The following MDN1 variants were observed in gnomAD, a reference collection of about 807,000 sequenced individuals.
MDN1 encodes midasin AAA ATPase 1.
MDN1 carries 266 observed loss-of-function variants against 669.2 expected under a neutral mutation model. That is an observed-to-expected ratio of 0.40 (90% confidence interval 0.36 to 0.44). The LOEUF (loss-of-function observed/expected upper bound fraction) is 0.44, where lower values mean the gene tolerates loss of function less well. Among genes scored for constraint, MDN1 ranks in the 20% least tolerant of loss-of-function variants. The pLI is 1.00. For synonymous variants in MDN1, 2,385 were observed against 2,457.1 expected (o/e 0.97, Z 0.87); for missense variants, 5,940 against 6,754.0 (o/e 0.88, Z 4.22).
At chr6:89,808,559 G>A (rs192655) in intron 1 of MDN1, among the ~76,000 whole-genome samples, 118,480 of 151,972 alleles carry the variant, frequency 0.78, 47,874 homozygotes, top group Non-Finnish European at 0.91. Context: ...TCCCTAAGAA[G>A]ACACAGCTTT....
Position 89,668,237 on chromosome 6 carries a change from T to TA in MDN1, c.13957-87dup. On this transcript the variant is annotated intron_variant, in intron 83 of 101. Transcript: ENST00000369393. ...TCATTCTTGCCACAGGAAAACAATT[T>TA]AAACACATACTGAATTCTTTTTCTA... 2.0e-6 allele frequency: 3 copies of TA among 1,501,988 alleles called. No homozygotes were observed. The Admixed American group carries it at 5.6e-5, about 28-fold the overall frequency. The allele number at this position is 1,501,988 out of a possible 1,614,324, so 93.0% of individuals were successfully genotyped here.
intron 56 of MDN1, 56 bp downstream of exon 56, chr6:89,700,590 A>C: frequency 1.9e-6 from 3 of 1,555,474 alleles, no homozygotes; most frequent in Non-Finnish European, 2.7e-6. Flanking sequence ...ATTAACTACC[A>C]GCAAGAGGAT....
chr6:89,784,567 C>T (rs1242892253), intron 9 of MDN1, among the ~76,000 whole-genome samples: 1 of 152,098 alleles, frequency 6.6e-6, no homozygotes, highest in African/African-American at 2.4e-5. Context: ...AACCACAATA[C>T]TAGAAACTGA....
At chr6:89,786,620 A>G (rs1355780446) in intron 8 of MDN1, among the ~76,000 whole-genome samples, 2 of 151,894 alleles carry the variant, frequency 1.3e-5, no homozygotes, top group East Asian at 3.9e-4. Flanking sequence ...AAATAAATAA[A>G]TGTTTAAAAC....
intron 21 of MDN1, 105 bp from the exon 22 acceptor site, chr6:89,753,727 A>G (rs1349892889): frequency 1.1e-6 from 1 of 902,684 alleles, no homozygotes; most frequent in African/African-American, 1.6e-5. Context: ...CTGCTTCCCA[A>G]CTTTTAAATA....
intron 2 of MDN1, among the ~76,000 whole-genome samples, chr6:89,795,230 T>C (rs1039964913): frequency 6.6e-6 from 1 of 152,202 alleles, no homozygotes; most frequent in South Asian, 2.1e-4. Flanking sequence ...AGCCAGATAC[T>C]GTAGTTTAAT....
chr6:89,818,427 G>A (rs1169997448), intron 1 of MDN1, among the ~76,000 whole-genome samples: 6 of 151,704 alleles, frequency 4.0e-5, no homozygotes, highest in Admixed American at 3.9e-4. Context: ...TGAGCCCAGG[G>A]GTTCCAGACC....
In MDN1 at chr6:89,648,093, T is replaced by C; in HGVS notation, c.16334A>G (p.Tyr5445Cys). 1.2e-6 allele frequency: 2 copies of C among 1,614,190 alleles called. No homozygotes were observed. The highest frequency in any genetic ancestry group is 1.7e-6 in the Non-Finnish European group (2 of 1,180,036). The change falls in exon 99 of 102, where the codon TAC becomes TGC. Residue 5445 changes from tyrosine to cysteine, a missense_variant. Around this residue, in one of 5 missense-constraint regions of MDN1, gnomAD observed 2,280 missense variants for 2,576.3 expected, o/e 0.88. Transcript: ENST00000369393. ...LHPFHEQFSDYSGSQILRLCK... is the reference protein window; with the variant it reads ...LHPFHEQFSDCSGSQILRLCK... ...GAGACGTAGAATCTGGGACCCAGAG[T>C]AATCACTGAACTGCTCATGAAATGG...
rs145105998 is a variant in MDN1 at position 89,651,502 on chromosome 6, G to A, written c.15916-655C>T. On this transcript the variant is annotated intron_variant, in intron 95 of 101. Transcript: ENST00000369393. ...GTGGTGGCAAGTGCCTGTAATCCCA[G>A]CTACTTGGGAGGCTGAGGCACGAGA... Among the ~76,000 whole-genome samples the A allele has an allele frequency of 6.2e-3, 949 of 152,208 alleles. 2 individuals are homozygous for A. The highest frequency in any genetic ancestry group is 7.9e-3 in the Non-Finnish European group (535 of 68,012).
chr6:89,678,637 C>T lies in MDN1; in HGVS notation c.12374G>A (p.Arg4125Gln), dbSNP rs781648246. The T allele has an allele frequency of 7.4e-6, 12 of 1,614,142 alleles. No homozygotes were observed. Among genetic ancestry groups the T allele is most frequent in the East Asian group, 4.5e-5 (2 of 44,866 alleles). Residue 4125 changes from arginine (R) to glutamine (Q), a missense_variant, in exon 75 of 102, where the codon CGA (arginine) becomes CAA (glutamine). By Grantham distance (43) the Arg-to-Gln change is conservative (BLOSUM62 1). Transcript: ENST00000369393. ...GTGTTTAAAGAGGTCTGACAAAGCT[C>T]GCTGTTTTTGCATGAGAATGTGCTT... ...EAKHILMQKQ[R>Q]ALSDLFKHLA...
At chr6:89,654,484 T>C in intron 92 of MDN1, 150 bp from the exon 93 acceptor site, 1 of 978,728 alleles carries the variant, frequency 1.0e-6, no homozygotes, top group South Asian at 1.6e-5. Flanking sequence ...TGGAGACTTG[T>C]CTGTGCACAA....
Position 89,753,499 on chromosome 6 carries a change from C to T in MDN1, c.3075+13G>A. 2 of 1,574,638 alleles carry T rather than the reference C, an allele frequency of 1.3e-6. No homozygotes were observed. The highest frequency in any genetic ancestry group is 1.7e-6 in the Non-Finnish European group (2 of 1,152,264). On this transcript the variant is annotated intron_variant, in intron 22 of 101. Transcript: ENST00000369393. Reference sequence around the variant, plus strand: ...TTCAAGTGTAACAAGTCAAAAATAACAAAAGAACATACCTGCTTCAGCAGA... The same window carrying T: ...TTCAAGTGTAACAAGTCAAAAATAATAAAAGAACATACCTGCTTCAGCAGA...
chr6:89,793,896 C>G lies in MDN1; in HGVS notation c.721G>C (p.Glu241Gln). 6.2e-7 allele frequency: 1 copy of G among 1,614,120 alleles called. No individual in the cohort carries two copies. The highest frequency in any genetic ancestry group is 8.5e-7 in the Non-Finnish European group (1 of 1,179,960). Reference sequence around the variant, plus strand: ...TTCTGCTTACGCCAAAGGGAGACTTCTGGATTGGCCAAAACCAAGGCCTTC... The same window carrying G: ...TTCTGCTTACGCCAAAGGGAGACTTGTGGATTGGCCAAAACCAAGGCCTTC... ...LEKALVLANPEVSLWRKQKEL... is the reference protein window; with the variant it reads ...LEKALVLANPQVSLWRKQKEL... The change falls in exon 5 of 102, where the codon GAA (glutamate) becomes CAA (glutamine). Residue 241 changes from glutamate (E) to glutamine (Q), a missense_variant. Glu to Gln is a conservative substitution (Grantham distance 29, BLOSUM62 2). Around this residue, in one of 5 missense-constraint regions of MDN1, gnomAD observed 1,203 missense variants for 1,268.9 expected, o/e 0.95. Transcript: ENST00000369393.
intron 93 of MDN1, among the ~76,000 whole-genome samples, chr6:89,653,387 A>C (rs937540667): frequency 3.9e-5 from 6 of 152,214 alleles, no homozygotes; most frequent in African/African-American, 1.4e-4. Context: ...GTTCTTGGAA[A>C]GGGAAATAGG....
At position 89,654,240 on chromosome 6, in the gene MDN1, C is replaced by T; in HGVS notation, c.15585G>A (p.Glu5195=). The T allele has an allele frequency of 6.2e-7, 1 of 1,614,242 alleles. No homozygotes were observed. The highest frequency in any genetic ancestry group is 1.3e-5 in the African/African-American group (1 of 75,058). The change falls in exon 93 of 102, where the codon GAG becomes GAA. Residue 5195 remains glutamate (E), a synonymous_variant. Coordinates refer to ENST00000369393, the MANE Select transcript of MDN1 (RefSeq NM_014611.3). ...EIEDTLMDTE[E]QEEFKAADVE... is the part of the protein sequence containing the mutation. Reference sequence around the variant, plus strand: ...CGTCTGCTGCTTTGAACTCCTCCTGCTCCTCTGTGTCCATAAGGGTGTCCT... The same window carrying T: ...CGTCTGCTGCTTTGAACTCCTCCTGTTCCTCTGTGTCCATAAGGGTGTCCT...
intron 49 of MDN1, 30 bp downstream of exon 49, chr6:89,712,006 T>G: frequency 6.4e-7 from 1 of 1,560,378 alleles, no homozygotes; most frequent in Non-Finnish European, 8.8e-7. Context: ...ATAAATCACA[T>G]CAGTGGACAA....
At chr6:89,793,694 C>A (rs1020002811) in intron 5 of MDN1, 68 bp downstream of exon 5, 6 of 1,359,306 alleles carry the variant, frequency 4.4e-6, no homozygotes, top group Middle Eastern at 2.5e-4. Flanking sequence ...TAGAACCCAG[C>A]CAAAGACAGA....
At chr6:89,754,409 A>G (rs1381990270) in intron 20 of MDN1, among the ~76,000 whole-genome samples, 179 bp from the exon 21 acceptor site, 1 of 152,216 alleles carries the variant, frequency 6.6e-6, no homozygotes, top group South Asian at 2.1e-4. Context: ...ATACTCAGAG[A>G]TATCTTTCAA....
chr6:89,647,652 C>T (rs1808571942), intron 99 of MDN1, among the ~76,000 whole-genome samples: 1 of 152,108 alleles, frequency 6.6e-6, no homozygotes, highest in Admixed American at 6.5e-5. Context: ...TATCCCTGTC[C>T]TAATACTGTA....
Sources: gnomAD v4.1 joint callset for allele counts (sites outside exome capture counted in the v4.1 genomes callset) on GRCh38, gnomAD v4.1.1 for gene constraint, gnomAD v4.1.1 regional missense constraint, MANE v1.5 for transcripts, NCBI Gene and HGNC (gene_info 2026-07-23, HGNC 2026-07-21) for gene names.